Variants in SYK observed in about 807,000 individuals in gnomAD.
The protein encoded by SYK is tyrosine-protein kinase SYK.
A neutral mutation model predicts 77.8 loss-of-function variants in SYK; 16 were observed. That is an observed-to-expected ratio of 0.21 (90% CI 0.14 to 0.31). The LOEUF is 0.31. Among genes scored for constraint, SYK ranks in the 10% least tolerant of loss-of-function variants. The probability of loss-of-function intolerance (pLI) is 1.00; values close to 1 mark genes in which losing one functional copy is unlikely to be tolerated. For synonymous variants in SYK, 312 were observed against 308.7 expected (o/e 1.01, Z -0.11); for missense variants, 529 against 814.4 (o/e 0.65, Z 4.26).
chr9:90,830,716 G>A (rs1825855922), intron 1 of SYK, among the ~76,000 whole-genome samples: 1 of 151,362 alleles, frequency 6.6e-6, no homozygotes, highest in African/African-American at 2.4e-5. Context: ...CTCCCAAGTA[G>A]CTGGGACTAC....
rs527917433 is a variant in SYK at position 90,874,734 on chromosome 9, G to A, written c.1066G>A (p.Glu356Lys). Reference sequence around the variant, plus strand: ...GTACGAGAGCCCCTACGCGGACCCCGAGGAGATCAGGCCCAAGGAGGTTTA... The same window carrying A: ...GTACGAGAGCCCCTACGCGGACCCCAAGGAGATCAGGCCCAAGGAGGTTTA... ...EVYESPYADP[E>K]EIRPKEVYLD... Residue 356 changes from glutamate to lysine, a missense_variant, in exon 9 of 14, where the codon GAG (glutamate) becomes AAG (lysine). Glu to Lys is a moderately conservative substitution (Grantham distance 56). Coordinates refer to ENST00000375754, the MANE Select transcript of SYK (RefSeq NM_003177.7). 2 of 1,614,134 alleles carry A rather than the reference G, an allele frequency of 1.2e-6. No homozygotes were observed. Among genetic ancestry groups the A allele is most frequent in the South Asian group, 1.1e-5 (1 of 91,074 alleles).
intron 3 of SYK, among the ~76,000 whole-genome samples, chr9:90,854,645 A>AC (rs1826951208): frequency 6.6e-6 from 1 of 152,080 alleles, no homozygotes; most frequent in Non-Finnish European, 1.5e-5. Context: ...GGATCAGATA[A>AC]AAAGCGCAGA....
intron 1 of SYK, among the ~76,000 whole-genome samples, chr9:90,826,830 A>T (rs12337607): frequency 6.6e-6 from 1 of 152,308 alleles, no homozygotes; most frequent in Admixed American, 6.5e-5. Flanking sequence ...GGTGCTCTGT[A>T]AAGTTGCATC....
At position 90,857,366 on chromosome 9, in the gene SYK, C is replaced by T. The variant is rs150496560; in HGVS notation, c.579-4840C>T. On this transcript the variant is annotated intron_variant, in intron 3 of 13. Transcript: ENST00000375754. ...GAGTTGTGGGCTGATGTCAATATCA[C>T]TTCATTGATGCTGATCAAAGTCTCC... Among the ~76,000 whole-genome samples the T allele has an allele frequency of 5.3e-5, 8 of 152,354 alleles. No homozygotes were observed. The East Asian group carries it at 5.8e-4, about 11-fold the overall frequency.
chr9:90,877,775 G>T lies in SYK; in HGVS notation c.1386G>T (p.Gln462His). 1 of 1,614,132 alleles carries T rather than the reference G, an allele frequency of 6.2e-7. No homozygotes were observed. The highest frequency in any genetic ancestry group is 1.1e-5 in the South Asian group (1 of 91,050). The stretch of plus-strand genomic sequence containing the variant: ...GTCCCCTCAATAAGTATTTGCAGCA[G>T]AACAGGTATTGTCAGGTGCCCCCAC... ...ELGPLNKYLQ[Q>H]NRHVKDKNII... Residue 462 changes from glutamine (Q) to histidine (H), a missense_variant, in exon 10 of 14, where the codon CAG (glutamine) becomes CAT (histidine). By Grantham distance (24) the Gln-to-His change is conservative. Around this residue, in one of 2 missense-constraint regions of SYK, gnomAD observed 208 missense variants for 381.3 expected, o/e 0.55. Transcript: ENST00000375754.
At chr9:90,814,414 T>G (rs1187517171) in intron 1 of SYK, among the ~76,000 whole-genome samples, 1 of 152,186 alleles carries the variant, frequency 6.6e-6, no homozygotes, top group African/African-American at 2.4e-5. Flanking sequence ...AATTTAAAAT[T>G]CAGTTCTCAG....
chr9:90,893,511 G>A (rs1340081383), intron 13 of SYK, among the ~76,000 whole-genome samples: 1 of 152,098 alleles, frequency 6.6e-6, no homozygotes, highest in Non-Finnish European at 1.5e-5. Context: ...AAGGAGGGAG[G>A]GAGGGAGAGA....
intron 6 of SYK, 143 bp from the exon 7 acceptor site, chr9:90,866,988 G>T: frequency 2.6e-6 from 2 of 760,478 alleles, no homozygotes; most frequent in Non-Finnish European, 4.5e-6. Flanking sequence ...ATCAGGTGTT[G>T]CCCGTGGTCG....
intron 11 of SYK, 146 bp from the exon 12 acceptor site, chr9:90,887,603 C>T: frequency 2.3e-6 from 2 of 877,402 alleles, no homozygotes; most frequent in Middle Eastern, 3.1e-4. Flanking sequence ...ATGGGGTTTC[C>T]TCTTGGCCAG....
At chr9:90,832,494 G>C (rs920888340) in intron 1 of SYK, among the ~76,000 whole-genome samples, 2 of 152,172 alleles carry the variant, frequency 1.3e-5, no homozygotes, top group African/African-American at 2.4e-5. Flanking sequence ...GGTAAACGTG[G>C]ACATGAAAGA....
chr9:90,888,869 T>TA (rs1326171149), intron 13 of SYK, among the ~76,000 whole-genome samples: 1 of 152,112 alleles, frequency 6.6e-6, no homozygotes, highest in Non-Finnish European at 1.5e-5. Context: ...TGTCCAAATT[T>TA]AAATGTCGAT....
At chr9:90,885,027 A>T (rs1396512844) in intron 11 of SYK, among the ~76,000 whole-genome samples, 1 of 149,858 alleles carries the variant, frequency 6.7e-6, no homozygotes, top group East Asian at 2.0e-4. Context: ...CAGGAAAAAG[A>T]CCTCCTCTAC....
chr9:90,805,001 C>G (rs907027314), intron 1 of SYK, among the ~76,000 whole-genome samples: 3 of 151,782 alleles, frequency 2.0e-5, no homozygotes, highest in African/African-American at 7.3e-5. Flanking sequence ...TGCCCTACAT[C>G]TCTTAAAAGG....
intron 13 of SYK, among the ~76,000 whole-genome samples, chr9:90,894,107 C>A (rs74661683): frequency 0.032 from 4,928 of 152,280 alleles, 269 homozygotes; most frequent in African/African-American, 0.11. Flanking sequence ...GGCAGATGAA[C>A]CCCCAGAGCA....
At chr9:90,864,817 T>C in intron 5 of SYK, 150 bp downstream of exon 5, 1 of 752,554 alleles carries the variant, frequency 1.3e-6, no homozygotes, top group Non-Finnish European at 2.2e-6. Flanking sequence ...CGATTTTGTA[T>C]ATCGTGAATC....
rs144492301 is a variant in SYK at position 90,829,407 on chromosome 9, T to C, written c.-41-14451T>C. Among the ~76,000 whole-genome samples the C allele has an allele frequency of 7.0e-3, 1,067 of 152,008 alleles. 4 individuals are homozygous for C. Among genetic ancestry groups the C allele is most frequent in the Non-Finnish European group, 0.01 (684 of 67,982 alleles). On this transcript the variant is annotated intron_variant, in intron 1 of 13. Transcript: ENST00000375754. ...TGCTTTCCAGAAGGGAGCCTGAGGGTGGGGTGCCCTGAAGACCACACTCAG... is the reference window on the plus strand; with the variant it reads ...TGCTTTCCAGAAGGGAGCCTGAGGGCGGGGTGCCCTGAAGACCACACTCAG...
At chr9:90,811,466 C>CA (rs201037439) in intron 1 of SYK, among the ~76,000 whole-genome samples, 21 of 149,662 alleles carry the variant, frequency 1.4e-4, no homozygotes, top group East Asian at 7.8e-4. Context: ...TTTATAATAG[C>CA]AAAAAAAAAT....
rs189799721 is a variant in SYK, at chr9:90,880,660, A to T, written c.1581+1707A>T. Among the ~76,000 whole-genome samples the T allele has an allele frequency of 1.2e-4, 18 of 152,364 alleles. 2 individuals carry two copies. Among genetic ancestry groups the T allele is most frequent in the Admixed American group, 1.1e-3 (17 of 15,310 alleles). Reference sequence around the variant, plus strand: ...TGCTGGGCACCTTATCCACTGCTGTATAACAAATCACCCCAAACTTACTGC... The same window carrying T: ...TGCTGGGCACCTTATCCACTGCTGTTTAACAAATCACCCCAAACTTACTGC... On this transcript the variant is annotated intron_variant, in intron 11 of 13. Transcript: ENST00000375754.
intron 1 of SYK, among the ~76,000 whole-genome samples, chr9:90,805,415 G>C (rs1824787679): frequency 6.6e-6 from 1 of 152,192 alleles, no homozygotes; most frequent in Non-Finnish European, 1.5e-5. Flanking sequence ...GTCTTGACCT[G>C]AGTGAAAACC....
Sources: gnomAD v4.1 joint callset for allele counts (sites outside exome capture counted in the v4.1 genomes callset) on GRCh38, gnomAD v4.1.1 for gene constraint, gnomAD v4.1.1 regional missense constraint, MANE v1.5 for transcripts, NCBI Gene and HGNC (gene_info 2026-07-23, HGNC 2026-07-21) for gene names.